The following CFAP100 variants were observed in gnomAD, a reference collection of about 807,000 sequenced individuals.
CFAP100 encodes the protein cilia- and flagella-associated protein 100.
A neutral mutation model predicts 81.5 loss-of-function variants in CFAP100; 70 were observed. The ratio of observed to expected loss-of-function variants is 0.86; its 90% CI spans 0.71 to 1.05. The LOEUF (loss-of-function observed/expected upper bound fraction) is 1.05, where lower values mean the gene tolerates loss of function less well. CFAP100 is among the 50% of genes least tolerant of loss of function. CFAP100 has a pLI of 0.00. For missense variants in CFAP100, 811 were observed against 776.5 expected (o/e 1.04, Z -0.53); for synonymous variants, 341 against 314.8 (o/e 1.08, Z -0.88).
intron 2 of CFAP100, among the ~76,000 whole-genome samples, chr3:126,402,791 CAGG>C (rs1196417044): frequency 6.7e-6 from 1 of 149,586 alleles, no homozygotes; most frequent in Admixed American, 6.7e-5. Context: ...GCCTGCCTTC[CAGG>C]AGTTTACTGC....
At chr3:126,423,702 C>G (rs1160090262) in intron 13 of CFAP100, 58 bp downstream of exon 13, 1 of 1,597,562 alleles carries the variant, frequency 6.3e-7, no homozygotes, top group African/African-American at 1.3e-5. Context: ...TGGGATCCCC[C>G]TAGCACTGGG....
chr3:126,424,360 T>C (rs2083379940), intron 13 of CFAP100, among the ~76,000 whole-genome samples: 1 of 152,230 alleles, frequency 6.6e-6, no homozygotes, highest in South Asian at 2.1e-4. Flanking sequence ...CATGGCAAAG[T>C]GGCTAGGGCC....
chr3:126,436,286 TGCAGAGAGGCAGGAC>T lies in CFAP100; in HGVS notation c.1723-4_1733del, dbSNP rs1216079171. On this transcript the variant is annotated splice_acceptor_variant and splice_polypyrimidine_tract_variant and coding_sequence_variant and intron_variant, in exon 17 of 17. Coordinates refer to ENST00000352312, the MANE Select transcript of CFAP100 (RefSeq NM_182628.3). LOFTEE classifies it high-confidence loss of function. ...CAAGGCTCACTGGGCTTGTTTCCCC[TGCAGAGAGGCAGGAC>T]ACTGGTATGCCGCTCACGACCCCCA... 6.2e-7 allele frequency: 1 copy of T among 1,612,460 alleles called. No individual in the cohort carries two copies. Among genetic ancestry groups the T allele is most frequent in the Admixed American group, 1.7e-5 (1 of 59,958 alleles).
At chr3:126,432,945 C>T in intron 13 of CFAP100, 124 bp from the exon 14 acceptor site, 1 of 1,058,586 alleles carries the variant, frequency 9.4e-7, no homozygotes, top group Non-Finnish European at 1.3e-6. Flanking sequence ...GACTTGGCAC[C>T]CATGATCCTT....
chr3:126,400,524 C>G (rs988701402), intron 2 of CFAP100, among the ~76,000 whole-genome samples: 3 of 151,960 alleles, frequency 2.0e-5, no homozygotes, highest in African/African-American at 4.8e-5. Flanking sequence ...GAGGCCAAGG[C>G]GGGCGGATCA....
rs1416845644 is a variant in CFAP100, at chr3:126,419,708, C to T, written c.803C>T (p.Pro268Leu). The T allele has an allele frequency of 1.2e-6, 2 of 1,614,090 alleles. No individual in the cohort carries two copies. Among genetic ancestry groups the T allele is most frequent in the African/African-American group, 2.7e-5 (2 of 75,046 alleles). Residue 268 changes from proline (P) to leucine (L), a missense_variant, in exon 9 of 17, where the codon CCC becomes CTC. Pro to Leu is a moderately conservative substitution (Grantham distance 98). Transcript: ENST00000352312. ...AAGGATTTCCTATACAAGCTGTCGCCCAAGGAGTGGCTTGAAGAACAGGAA... is the reference window on the plus strand; with the variant it reads ...AAGGATTTCCTATACAAGCTGTCGCTCAAGGAGTGGCTTGAAGAACAGGAA... The part of the protein sequence containing the change: ...VYKDFLYKLS[P>L]KEWLEEQEKK...
At position 126,414,259 on chromosome 3, in the gene CFAP100, C is replaced by T. The variant is rs773321404; in HGVS notation, c.225+80C>T. 3.2e-6 allele frequency: 3 copies of T among 939,258 alleles called. No homozygotes were observed. In the African/African-American group the frequency reaches 4.8e-5, roughly 15 times the overall value. The allele number at this position is 939,258 out of a possible 1,614,324, so 58.2% of individuals were successfully genotyped here. A position where few individuals can be genotyped will look rare whatever the true frequency, so the allele number is the denominator to read the frequency against. On this transcript the variant is annotated intron_variant, in intron 4 of 16. Coordinates refer to ENST00000352312, the MANE Select transcript of CFAP100 (RefSeq NM_182628.3). ...TTCCTGGAGTGGCCACATTGCCCTT[C>T]TCAGAGGAGCACTTTCCTCAGGTCC...
At chr3:126,407,533 C>T (rs1455856376) in intron 3 of CFAP100, among the ~76,000 whole-genome samples, 1 of 152,198 alleles carries the variant, frequency 6.6e-6, no homozygotes, top group Admixed American at 6.5e-5. Context: ...CCCCAAGTCT[C>T]TCTGCTCCAC....
intron 8 of CFAP100, 84 bp from the exon 9 acceptor site, chr3:126,419,553 T>C: frequency 7.8e-7 from 1 of 1,284,860 alleles, no homozygotes; most frequent in East Asian, 2.3e-5. Flanking sequence ...TTGGCCAGGA[T>C]GGAGGGGTGG....
intron 16 of CFAP100, 39 bp from the exon 17 acceptor site, chr3:126,436,252 A>T (rs1388730076): frequency 1.3e-6 from 2 of 1,541,180 alleles, no homozygotes; most frequent in South Asian, 2.3e-5. Context: ...CATACGGCTC[A>T]CTAGGCAGCA....
At chr3:126,396,143 A>C in intron 2 of CFAP100, 94 bp downstream of exon 2, 1 of 950,256 alleles carries the variant, frequency 1.1e-6, no homozygotes, top group Non-Finnish European at 1.7e-6. Context: ...TCTAAACCAA[A>C]CACTAGGCAG....
intron 14 of CFAP100, 24 bp from the exon 15 acceptor site, chr3:126,434,152 T>G: frequency 1.3e-6 from 2 of 1,588,056 alleles, no homozygotes; most frequent in Non-Finnish European, 1.7e-6. Flanking sequence ...GCCAGCACCC[T>G]GCTGGAAGCC....
chr3:126,418,036 C>G, intron 5 of CFAP100: 11 of 177,766 alleles, frequency 6.2e-5, no homozygotes, highest in South Asian at 2.6e-4. Flanking sequence ...GCCCAGTTTG[C>G]TCGGGGGGCT....
chr3:126,428,478 A>G (rs147849376), intron 13 of CFAP100, among the ~76,000 whole-genome samples: 1 of 152,310 alleles, frequency 6.6e-6, no homozygotes, highest in African/African-American at 2.4e-5. Flanking sequence ...CCCATAGAAT[A>G]CACAGTACCA....
intron 2 of CFAP100, among the ~76,000 whole-genome samples, chr3:126,400,337 C>G (rs2082953528): frequency 6.6e-6 from 1 of 152,030 alleles, no homozygotes. Flanking sequence ...CACCTCACAC[C>G]CATTAGGATG....
chr3:126,396,752 G>A (rs1201442847), intron 2 of CFAP100: 1 of 152,228 alleles, frequency 6.6e-6, no homozygotes, highest in Non-Finnish European at 1.5e-5. Flanking sequence ...GCTGGCGCTA[G>A]GCCCTGGATG....
chr3:126,416,670 G>A, intron 5 of CFAP100, 162 bp downstream of exon 5: 1 of 592,266 alleles, frequency 1.7e-6, no homozygotes, highest in East Asian at 3.1e-5. Flanking sequence ...CCTCTCCAGG[G>A]GGGTCCCAAA....
At chr3:126,416,285 G>C in intron 4 of CFAP100, 31 bp from the exon 5 acceptor site, 1 of 1,556,878 alleles carries the variant, frequency 6.4e-7, no homozygotes, top group Non-Finnish European at 8.7e-7. Context: ...GGGGAGCCTG[G>C]GCCCCGCCCG....
chr3:126,418,517 C>A lies in CFAP100; in HGVS notation c.478C>A (p.Leu160Ile). Residue 160 changes from leucine to isoleucine, a missense_variant, in exon 6 of 17, where the codon CTC becomes ATC. By Grantham distance (5) the Leu-to-Ile change is conservative (BLOSUM62 2). Transcript: ENST00000352312. The part of the protein sequence containing the change: ...GYIKQKRQMF[L>I]LQYALDVKRR... ...CATTAAGCAGAAGCGGCAAATGTTC[C>A]TCCTCCAGGTAGGTCCCGTGGCCCC... 6.2e-7 allele frequency: 1 copy of A among 1,614,150 alleles called. No homozygotes were observed. Among genetic ancestry groups the A allele is most frequent in the Non-Finnish European group, 8.5e-7 (1 of 1,180,022 alleles).
Sources: gnomAD v4.1 joint callset for allele counts (sites outside exome capture counted in the v4.1 genomes callset) on GRCh38, gnomAD v4.1.1 for gene constraint, MANE v1.5 for transcripts, NCBI Gene and HGNC (gene_info 2026-07-23, HGNC 2026-07-21) for gene names.